Variants in PTGER3 observed in about 807,000 individuals in gnomAD.
PTGER3 encodes prostaglandin E receptor 3, also known as prostaglandin E2 receptor EP3 subtype.
In PTGER3, 22 loss-of-function variants were observed where a neutral mutation model predicts 34.7. The ratio of observed to expected loss-of-function variants is 0.63; its 90% CI spans 0.45 to 0.91. The LOEUF is 0.91. PTGER3 is among the 40% of genes least tolerant of loss of function. The probability of loss-of-function intolerance (pLI) is 0.00; values close to 1 mark genes in which losing one functional copy is unlikely to be tolerated. For missense variants in PTGER3, 468 were observed against 519.4 expected, an observed-to-expected ratio of 0.90 and a Z score of 0.96; for synonymous variants, 241 against 230.1, an observed-to-expected ratio of 1.05 and a Z score of -0.43.
intron 4 of PTGER3, among the ~76,000 whole-genome samples, chr1:70,903,327 A>G (rs951449441): frequency 1.3e-5 from 2 of 152,316 alleles, no homozygotes; most frequent in Admixed American, 1.3e-4. Context: ...AAGTTATGGT[A>G]ATTTATTACA....
At chr1:70,952,470 A>C (rs1033619104) in exon 4 of PTGER3, 22 of 985,920 alleles carry the variant, frequency 2.2e-5, no homozygotes, top group Non-Finnish European at 2.6e-5. Context: ...ACCTGAACAA[A>C]TAACAGATTT....
chr1:71,009,641 A>G (rs1657271470), intron 2 of PTGER3: 25 of 985,044 alleles, frequency 2.5e-5, no homozygotes, highest in Non-Finnish European at 3.0e-5. Context: ...TTTTACATAT[A>G]TTTCTACATT....
intron 2 of PTGER3, among the ~76,000 whole-genome samples, chr1:70,987,544 A>G (rs78540148): frequency 0.068 from 10,358 of 152,286 alleles, 494 homozygotes; most frequent in Middle Eastern, 0.12. Context: ...ATCGATTCTT[A>G]TTCTCCAAGT....
At chr1:70,863,367 C>T (rs955636791) in intron 4 of PTGER3, among the ~76,000 whole-genome samples, 40 of 152,200 alleles carry the variant, frequency 2.6e-4, no homozygotes, top group Middle Eastern at 3.4e-3. Flanking sequence ...TTAGCTTCCC[C>T]ATTGATCATG....
chr1:70,894,309 C>CAAAAAAAAAA (rs35974984), intron 4 of PTGER3, among the ~76,000 whole-genome samples: 1 of 46,722 alleles, frequency 2.1e-5, no homozygotes, highest in Non-Finnish European at 3.6e-5. Context: ...AACTCCATCT[C>CAAAAAAAAAA]AAAAAAAAAA....
chr1:71,042,839 T>C (rs1242872552), intron 1 of PTGER3, among the ~76,000 whole-genome samples: 1 of 152,208 alleles, frequency 6.6e-6, no homozygotes, highest in Non-Finnish European at 1.5e-5. Context: ...ATCTCTGTAT[T>C]TGTGGATACT....
intron 2 of PTGER3, chr1:71,011,716 T>A: frequency 1.0e-6 from 1 of 976,126 alleles, no homozygotes; most frequent in Non-Finnish European, 1.2e-6. Flanking sequence ...ATGAATATTA[T>A]AAATACATTA....
chr1:70,904,016 G>A (rs529826138), intron 4 of PTGER3, among the ~76,000 whole-genome samples: 1 of 152,310 alleles, frequency 6.6e-6, no homozygotes, highest in South Asian at 2.1e-4. Context: ...CCCAGTGGGA[G>A]GTGATTGAAT....
intron 1 of PTGER3, among the ~76,000 whole-genome samples, chr1:71,023,044 T>C (rs4425937): frequency 0.34 from 51,375 of 151,682 alleles, 9,424 homozygotes; most frequent in South Asian, 0.46. Context: ...ATAAAACCTG[T>C]GTGGAATTCT....
intron 4 of PTGER3, among the ~76,000 whole-genome samples, chr1:70,859,303 A>G (rs1348838941): frequency 6.6e-6 from 1 of 152,176 alleles, no homozygotes; most frequent in Non-Finnish European, 1.5e-5. Flanking sequence ...TTGCCACATG[A>G]TTTTAGTTTT....
At chr1:70,958,267 AC>A (rs1381333335) in intron 2 of PTGER3, among the ~76,000 whole-genome samples, 1 of 152,118 alleles carries the variant, frequency 6.6e-6, no homozygotes, top group Non-Finnish European at 1.5e-5. Flanking sequence ...TTTAAAGGAA[AC>A]TTTATACTGT....
At chr1:71,045,881 A>T (rs1197305192) in intron 1 of PTGER3, among the ~76,000 whole-genome samples, 1 of 151,956 alleles carries the variant, frequency 6.6e-6, no homozygotes, top group Non-Finnish European at 1.5e-5. Context: ...CCTCATCAAG[A>T]ATGAACCTTG....
chr1:70,990,479 T>C (rs1655369057), intron 2 of PTGER3, among the ~76,000 whole-genome samples: 1 of 149,958 alleles, frequency 6.7e-6, no homozygotes, highest in Non-Finnish European at 1.5e-5. Flanking sequence ...TATATACACA[T>C]ATATGCATTT....
At chr1:70,964,906 G>T (rs1652351892) in intron 2 of PTGER3, among the ~76,000 whole-genome samples, 1 of 152,188 alleles carries the variant, frequency 6.6e-6, no homozygotes, top group Non-Finnish European at 1.5e-5. Flanking sequence ...AGACGTGGAA[G>T]TGAGAAATAT....
chr1:70,954,980 C>A (rs1411960777), intron 2 of PTGER3, among the ~76,000 whole-genome samples: 1 of 151,974 alleles, frequency 6.6e-6, no homozygotes, highest in Non-Finnish European at 1.5e-5. Flanking sequence ...AAGAGAGAAG[C>A]GAATAGGGAA....
chr1:70,882,000 C>A (rs914323917), intron 4 of PTGER3, among the ~76,000 whole-genome samples: 1 of 151,676 alleles, frequency 6.6e-6, no homozygotes, highest in Non-Finnish European at 1.5e-5. Flanking sequence ...GGAAGCTGCA[C>A]CTCCAACAAA....
At chr1:70,901,045 A>G (rs1216123047) in intron 4 of PTGER3, among the ~76,000 whole-genome samples, 3 of 152,134 alleles carry the variant, frequency 2.0e-5, no homozygotes, top group African/African-American at 7.2e-5. Flanking sequence ...CGTATGTGGT[A>G]AGACTGATGT....
intron 2 of PTGER3, among the ~76,000 whole-genome samples, chr1:70,957,874 T>A (rs1018338587): frequency 1.3e-5 from 2 of 152,202 alleles, no homozygotes; most frequent in African/African-American, 4.8e-5. Context: ...GCCACTATTT[T>A]ACTCTCTATT....
At chr1:70,946,815 A>G (rs779069578) in intron 4 of PTGER3, among the ~76,000 whole-genome samples, 94 of 152,102 alleles carry the variant, frequency 6.2e-4, no homozygotes, top group Non-Finnish European at 1.0e-3. Context: ...GGTCCTGACC[A>G]TTTGCATTCC....
Sources: gnomAD v4.1 joint callset for allele counts (sites outside exome capture counted in the v4.1 genomes callset) on GRCh38, gnomAD v4.1.1 for gene constraint, MANE v1.5 for transcripts, NCBI Gene and HGNC (gene_info 2026-07-23, HGNC 2026-07-21) for gene names.